The following PPFIBP1 variants were observed in gnomAD, a reference collection of about 807,000 sequenced individuals.
PPFIBP1 encodes liprin-beta-1.
In PPFIBP1, 112 loss-of-function variants were observed where a neutral mutation model predicts 137.8. The observed-to-expected ratio is 0.81, with a 90% CI of 0.70 to 0.95. The LOEUF is 0.95. Among genes scored for constraint, PPFIBP1 ranks in the 40% least tolerant of loss-of-function variants. The pLI is 0.00. For missense variants in PPFIBP1, 1,083 were observed against 1,196.6 expected (o/e 0.91, Z 1.40); for synonymous variants, 378 against 417.3 (o/e 0.91, Z 1.15).
intron 1 of PPFIBP1, chr12:27,552,464 AG>A (rs1946873441): frequency 6.6e-6 from 1 of 152,264 alleles, no homozygotes; most frequent in Non-Finnish European, 1.5e-5. Context: ...GGTTAGTTTG[AG>A]AGAGGTTCTG....
intron 2 of PPFIBP1, among the ~76,000 whole-genome samples, chr12:27,627,444 T>C (rs2056913188): frequency 6.6e-6 from 1 of 152,216 alleles, no homozygotes; most frequent in Non-Finnish European, 1.5e-5. Flanking sequence ...GAAGATTCCT[T>C]CTTTCAAGTG....
chr12:27,620,070 G>T (rs1203791006), intron 2 of PPFIBP1, among the ~76,000 whole-genome samples: 2 of 151,508 alleles, frequency 1.3e-5, no homozygotes, highest in African/African-American at 4.8e-5. Flanking sequence ...ACCCTGACCC[G>T]AGCCACCAAT....
At position 27,682,642 on chromosome 12, in the gene PPFIBP1, A is replaced by C. The variant is rs1318360952; in HGVS notation, c.2186A>C (p.Gln729Pro). ...TRWLDDIGLP[Q>P]YKTQFDEGRV... is the part of the protein sequence containing the mutation. ...TGGTTGGATGACATTGGCCTCCCTC[A>C]ATATAAGACCCAGTTTGATGAAGGA... The change falls in exon 24 of 30, where the codon CAA becomes CCA. Residue 729 changes from glutamine to proline, a missense_variant. Coordinates refer to ENST00000228425, the MANE Select transcript of PPFIBP1 (RefSeq NM_003622.4). 1 of 1,614,146 alleles carries C rather than the reference A, an allele frequency of 6.2e-7. No individual in the cohort carries two copies. Among genetic ancestry groups the C allele is most frequent in the Non-Finnish European group, 8.5e-7 (1 of 1,180,020 alleles).
At chr12:27,646,291 G>C in intron 5 of PPFIBP1, 143 bp downstream of exon 5, 1 of 701,644 alleles carries the variant, frequency 1.4e-6, no homozygotes, top group Non-Finnish European at 2.6e-6. Context: ...AATAGGGAGT[G>C]GTGAGGATTG....
intron 19 of PPFIBP1, among the ~76,000 whole-genome samples, chr12:27,678,745 C>A (rs1473246339): frequency 6.6e-6 from 1 of 150,708 alleles, no homozygotes; most frequent in African/African-American, 2.4e-5. Context: ...GTAATCCCAG[C>A]TACCTGGGAC....
At chr12:27,642,349 C>T (rs1306307340) in intron 4 of PPFIBP1, among the ~76,000 whole-genome samples, 1 of 152,172 alleles carries the variant, frequency 6.6e-6, no homozygotes, top group Admixed American at 6.5e-5. Context: ...GCACCATGAG[C>T]TAAAGTAGAA....
intron 1 of PPFIBP1, among the ~76,000 whole-genome samples, chr12:27,577,410 AT>A (rs1193254695): frequency 6.6e-6 from 1 of 152,216 alleles, no homozygotes; most frequent in Non-Finnish European, 1.5e-5. Context: ...CTCTTTATGC[AT>A]TTGTAAAACA....
At chr12:27,525,760 T>C (rs918087162) in intron 1 of PPFIBP1, among the ~76,000 whole-genome samples, 2 of 152,182 alleles carry the variant, frequency 1.3e-5, no homozygotes, top group Admixed American at 1.3e-4. Flanking sequence ...GGAAAAGGGA[T>C]AGAGGACTAT....
chr12:27,604,999 T>C (rs1158769555), intron 2 of PPFIBP1, among the ~76,000 whole-genome samples: 1 of 152,066 alleles, frequency 6.6e-6, no homozygotes, highest in Admixed American at 6.6e-5. Context: ...AAGAACAGCA[T>C]GGGAAAGACC....
chr12:27,540,064 A>AT (rs147575484), intron 1 of PPFIBP1, among the ~76,000 whole-genome samples: 26,963 of 144,406 alleles, frequency 0.19, 2,538 homozygotes, highest in Middle Eastern at 0.26. Context: ...CCTATTTTCA[A>AT]TTTTTTTTTT....
At chr12:27,598,520 T>C (rs2053584001) in intron 2 of PPFIBP1, among the ~76,000 whole-genome samples, 1 of 151,812 alleles carries the variant, frequency 6.6e-6, no homozygotes, top group Non-Finnish European at 1.5e-5. Flanking sequence ...AAACCATATC[T>C]GATATATTCT....
chr12:27,673,336 A>G (rs895992848), intron 15 of PPFIBP1, among the ~76,000 whole-genome samples: 1 of 152,242 alleles, frequency 6.6e-6, no homozygotes, highest in Non-Finnish European at 1.5e-5. Flanking sequence ...TGCCAGACTC[A>G]GAAATGTGAT....
At chr12:27,683,954 A>AT (rs1450897202) in intron 24 of PPFIBP1, among the ~76,000 whole-genome samples, 1 of 151,202 alleles carries the variant, frequency 6.6e-6, no homozygotes, top group Non-Finnish European at 1.5e-5. Context: ...TGCCTGGCTA[A>AT]TTTTTTGTAT....
At chr12:27,621,154 T>G (rs987692388) in intron 2 of PPFIBP1, among the ~76,000 whole-genome samples, 6 of 152,246 alleles carry the variant, frequency 3.9e-5, no homozygotes, top group Non-Finnish European at 8.8e-5. Context: ...AAGAGCCAGA[T>G]AGTAAATATT....
chr12:27,631,560 T>A (rs1285287954), intron 2 of PPFIBP1, among the ~76,000 whole-genome samples: 1 of 152,232 alleles, frequency 6.6e-6, no homozygotes, highest in Non-Finnish European at 1.5e-5. Context: ...CATAGCAATT[T>A]AACATTGTCA....
chr12:27,557,477 C>T (rs985600379), intron 1 of PPFIBP1, among the ~76,000 whole-genome samples: 7 of 152,136 alleles, frequency 4.6e-5, no homozygotes, highest in Non-Finnish European at 8.8e-5. Context: ...CCTCGTGATC[C>T]ACCCGCCTTG....
At chr12:27,593,977 C>G in intron 2 of PPFIBP1, 1 of 1,406,792 alleles carries the variant, frequency 7.1e-7, no homozygotes, top group Non-Finnish European at 9.3e-7. Flanking sequence ...CAGAGAGGAT[C>G]AGGTTGGAAT....
At chr12:27,651,471 C>G (rs866621785) in intron 7 of PPFIBP1, among the ~76,000 whole-genome samples, 1 of 152,112 alleles carries the variant, frequency 6.6e-6, no homozygotes. Context: ...TTGATAGAAG[C>G]TGGGGCTCTT....
chr12:27,602,175 A>C (rs1339506011), intron 2 of PPFIBP1, among the ~76,000 whole-genome samples: 1 of 152,150 alleles, frequency 6.6e-6, no homozygotes, highest in Non-Finnish European at 1.5e-5. Flanking sequence ...GATTGGGCTA[A>C]CTTTCTTGAC....
Sources: gnomAD v4.1 joint callset for allele counts (sites outside exome capture counted in the v4.1 genomes callset) on GRCh38, gnomAD v4.1.1 for gene constraint, MANE v1.5 for transcripts, NCBI Gene and HGNC (gene_info 2026-07-23, HGNC 2026-07-21) for gene names.